The following CNTN4 variants were observed in gnomAD, a reference collection of about 807,000 sequenced individuals.
The protein encoded by CNTN4 is contactin-4.
In CNTN4, 77 loss-of-function variants were observed where a neutral mutation model predicts 122.5. The ratio of observed to expected loss-of-function variants is 0.63; its 90% CI spans 0.52 to 0.76. CNTN4 has a LOEUF of 0.76. CNTN4 is among the 30% of genes least tolerant of loss of function. The probability of loss-of-function intolerance (pLI) is 0.00; values close to 1 mark genes in which losing one functional copy is unlikely to be tolerated. For missense variants in CNTN4, 1,256 were observed against 1,259.1 expected, an observed-to-expected ratio of 1.00 and a Z score of 0.04; for synonymous variants, 512 against 447.0, an observed-to-expected ratio of 1.15 and a Z score of -1.83.
intron 8 of CNTN4, among the ~76,000 whole-genome samples, chr3:2,868,927 G>A (rs541164394): frequency 1.3e-5 from 2 of 152,152 alleles, no homozygotes; most frequent in African/African-American, 4.8e-5. Context: ...GATCTGAATA[G>A]CAAGAAACCG....
intron 13 of CNTN4, among the ~76,000 whole-genome samples, chr3:2,946,711 T>C (rs2094682936): frequency 6.7e-6 from 1 of 149,056 alleles, no homozygotes; most frequent in Non-Finnish European, 1.5e-5. Context: ...TTTCTTTTTT[T>C]TTTTTTTTTT....
chr3:2,823,099 A>G (rs2092913057), intron 7 of CNTN4, among the ~76,000 whole-genome samples: 1 of 152,150 alleles, frequency 6.6e-6, no homozygotes, highest in African/African-American at 2.4e-5. Flanking sequence ...AAAGCCTCCA[A>G]TGCAACTGAA....
intron 3 of CNTN4, among the ~76,000 whole-genome samples, chr3:2,384,700 C>T (rs1347064347): frequency 6.6e-6 from 1 of 152,016 alleles, no homozygotes; most frequent in Non-Finnish European, 1.5e-5. Flanking sequence ...CCCAGCTATT[C>T]AGGCAGCTCT....
chr3:2,574,809 C>T (rs925580027), intron 4 of CNTN4, among the ~76,000 whole-genome samples: 13 of 151,914 alleles, frequency 8.6e-5, no homozygotes, highest in Admixed American at 3.3e-4. Context: ...AATCTGTGCC[C>T]GGCTCTACTC....
intron 3 of CNTN4, among the ~76,000 whole-genome samples, chr3:2,452,662 A>G (rs1433641239): frequency 6.6e-6 from 1 of 152,176 alleles, no homozygotes; most frequent in Non-Finnish European, 1.5e-5. Context: ...AATGAATGCC[A>G]GGCTTCTACC....
At chr3:2,364,727 T>C (rs1164307373) in intron 3 of CNTN4, among the ~76,000 whole-genome samples, 1 of 152,064 alleles carries the variant, frequency 6.6e-6, no homozygotes, top group Non-Finnish European at 1.5e-5. Flanking sequence ...GCCCAATGAA[T>C]CTAGTTTCCT....
intron 3 of CNTN4, among the ~76,000 whole-genome samples, chr3:2,339,804 A>C (rs2044114019): frequency 6.6e-6 from 1 of 152,240 alleles, no homozygotes; most frequent in South Asian, 2.1e-4. Flanking sequence ...TGGTGGCTTA[A>C]AACAATGGAA....
At chr3:2,368,274 C>T (rs1017969826) in intron 3 of CNTN4, among the ~76,000 whole-genome samples, 5 of 151,908 alleles carry the variant, frequency 3.3e-5, no homozygotes, top group African/African-American at 9.6e-5. Context: ...CCTCATGATC[C>T]GCCCGCCTCG....
intron 18 of CNTN4, among the ~76,000 whole-genome samples, chr3:3,038,121 C>T (rs898612331): frequency 1.3e-5 from 2 of 152,200 alleles, no homozygotes; most frequent in Admixed American, 6.5e-5. Flanking sequence ...ACCAAGGAGA[C>T]ATACCCAGTC....
intron 13 of CNTN4, among the ~76,000 whole-genome samples, chr3:2,970,102 T>A (rs1179750845): frequency 1.3e-5 from 2 of 150,602 alleles, no homozygotes; most frequent in African/African-American, 4.8e-5. Flanking sequence ...TTGTTGTTGT[T>A]GTTTTAAGAG....
At chr3:2,118,625 A>T (rs1231944944) in intron 2 of CNTN4, among the ~76,000 whole-genome samples, 3 of 152,230 alleles carry the variant, frequency 2.0e-5, no homozygotes, top group Non-Finnish European at 2.9e-5. Context: ...CACTGTTTAC[A>T]TATATTTTTC....
chr3:2,634,445 G>A (rs9815736), intron 4 of CNTN4, among the ~76,000 whole-genome samples: 1,899 of 152,080 alleles, frequency 0.012, 35 homozygotes, highest in African/African-American at 0.044. Context: ...AACTGAAGAA[G>A]GATATTACTT....
chr3:2,337,815 A>T (rs2044017132), intron 2 of CNTN4, among the ~76,000 whole-genome samples: 1 of 152,062 alleles, frequency 6.6e-6, no homozygotes, highest in South Asian at 2.1e-4. Flanking sequence ...AAAAACTTTG[A>T]CCGATGTCTG....
At chr3:2,801,870 T>C (rs566180373) in intron 6 of CNTN4, among the ~76,000 whole-genome samples, 2 of 152,312 alleles carry the variant, frequency 1.3e-5, no homozygotes, top group African/African-American at 4.8e-5. Flanking sequence ...TTTTCTACAA[T>C]TAAAGTTTAT....
intron 3 of CNTN4, among the ~76,000 whole-genome samples, chr3:2,498,015 C>G (rs963695328): frequency 1.3e-5 from 2 of 152,056 alleles, no homozygotes; most frequent in Non-Finnish European, 2.9e-5. Flanking sequence ...GAAGTAATTT[C>G]AAATGCCTTA....
At chr3:2,737,523 A>C (rs1333738876) in intron 5 of CNTN4, among the ~76,000 whole-genome samples, 1 of 152,240 alleles carries the variant, frequency 6.6e-6, no homozygotes, top group Non-Finnish European at 1.5e-5. Context: ...TGAAAACATT[A>C]ACAATTCATA....
intron 14 of CNTN4, among the ~76,000 whole-genome samples, chr3:2,993,346 A>G (rs570983485): frequency 2.0e-5 from 3 of 148,464 alleles, no homozygotes; most frequent in South Asian, 2.1e-4. Context: ...TGCCCAGGCT[A>G]GAGTGCAATG....
At chr3:2,109,384 A>G (rs2032760972) in intron 2 of CNTN4, among the ~76,000 whole-genome samples, 1 of 152,146 alleles carries the variant, frequency 6.6e-6, no homozygotes, top group Non-Finnish European at 1.5e-5. Context: ...AATGATCTTG[A>G]GTTAAAAAAA....
At position 2,708,837 on chromosome 3, in the gene CNTN4, A is replaced by G. The variant is rs559494683; in HGVS notation, c.56-27378A>G. Among the ~76,000 whole-genome samples, 118 of 152,330 alleles carry G rather than the reference A, an allele frequency of 7.7e-4. 1 individual carries two copies. The highest frequency in any genetic ancestry group is 2.3e-3 in the Admixed American group (35 of 15,302). ...TTATTATTCTATAATAAGTACACAA[A>G]TGCAGTTTTTATGTTGAAGATAAAT... On this transcript the variant is annotated intron_variant, in intron 4 of 24. Transcript: ENST00000418658.
Sources: allele counts gnomAD v4.1 joint callset (sites outside exome capture counted in the v4.1 genomes callset), GRCh38; gene constraint gnomAD v4.1.1; transcripts MANE v1.5; gene names NCBI Gene and HGNC (gene_info 2026-07-23, HGNC 2026-07-21).